MRO: variants seen among roughly 807,000 people sequenced by gnomAD.
The protein encoded by MRO is protein maestro.
In MRO, 28 loss-of-function variants were observed where a neutral mutation model predicts 31.0. The observed-to-expected ratio is 0.90, with a 90% CI of 0.67 to 1.24. The LOEUF (loss-of-function observed/expected upper bound fraction) is 1.24, where lower values mean the gene tolerates loss of function less well. Among genes scored for constraint, MRO ranks in the 50% most tolerant of loss-of-function variants. The pLI, the probability that MRO is intolerant of heterozygous loss-of-function variation, is 0.00. For missense variants in MRO, 332 were observed against 289.2 expected, an observed-to-expected ratio of 1.15 and a Z score of -1.07; for synonymous variants, 108 against 108.4, an observed-to-expected ratio of 1.00 and a Z score of 0.02.
chr18:50,801,604 C>T (rs1457008712), intron 5 of MRO, 100 bp from the exon 6 acceptor site: 27 of 1,148,472 alleles, frequency 2.4e-5, no homozygotes, highest in Admixed American at 1.4e-4. Flanking sequence ...ACATCACAGC[C>T]GTCAATCAGA....
chr18:50,809,924 T>A (rs921174015), intron 2 of MRO, among the ~76,000 whole-genome samples: 10 of 152,178 alleles, frequency 6.6e-5, no homozygotes, highest in Non-Finnish European at 1.0e-4. Flanking sequence ...AGCACTGTAA[T>A]AAACAATATT....
intron 3 of MRO, among the ~76,000 whole-genome samples, chr18:50,808,431 T>A (rs1360432620): frequency 2.0e-5 from 3 of 151,398 alleles, no homozygotes. Flanking sequence ...GGATTTTCAT[T>A]ACAGTTCATT....
chr18:50,801,240 A>G, intron 6 of MRO, 109 bp downstream of exon 6: 1 of 918,526 alleles, frequency 1.1e-6, no homozygotes, highest in South Asian at 2.0e-5. Flanking sequence ...GCTGCTAAGT[A>G]TCTACAGCAG....
rs1382911245 is a variant in MRO, at chr18:50,797,233, C to T, written c.*2104G>A. The T allele has an allele frequency of 6.6e-6, 1 of 152,244 alleles. No individual in the cohort carries two copies. Among genetic ancestry groups the T allele is most frequent in the Admixed American group, 6.5e-5 (1 of 15,278 alleles). The allele number at this position is 152,244 out of a possible 1,614,324, so 9.4% of individuals were successfully genotyped here. ...TTGTGTCATGTGTCCGGGCCTCAGA[C>T]TCTGCTGTGGGTTGGGTGTCTCCGT... On this transcript the variant is annotated 3_prime_UTR_variant, in exon 8 of 8. Transcript: ENST00000398439.
At chr18:50,809,440 A>G (rs1209051668) in intron 2 of MRO, 36 bp from the exon 3 acceptor site, 1 of 1,387,998 alleles carries the variant, frequency 7.2e-7, no homozygotes, top group South Asian at 1.2e-5. Flanking sequence ...CATGCGCCAC[A>G]GACACTCATC....
At position 50,818,100 on chromosome 18, in the gene MRO, G is replaced by A. The variant is rs1358778709; in HGVS notation, c.-5+1481C>T. 1.3e-5 allele frequency among the ~76,000 whole-genome samples: 2 copies of A among 150,270 alleles called. 1 individual carries two copies. The highest frequency in any genetic ancestry group is 2.9e-5 in the Non-Finnish European group (2 of 67,880). On this transcript the variant is annotated intron_variant, in intron 2 of 7. Transcript: ENST00000398439. ...AAAAACAAAAGGATCATTCTCATCT[G>A]TTGCAACACAGGATCTCAGAGAGGA...
At chr18:50,804,663 T>C (rs1913730231) in intron 5 of MRO, among the ~76,000 whole-genome samples, 1 of 151,924 alleles carries the variant, frequency 6.6e-6, no homozygotes, top group Non-Finnish European at 1.5e-5. Flanking sequence ...AGAGATAAAA[T>C]TCTATACATC....
intron 4 of MRO, among the ~76,000 whole-genome samples, chr18:50,806,336 A>T (rs999367981): frequency 6.6e-6 from 1 of 152,162 alleles, no homozygotes; most frequent in Non-Finnish European, 1.5e-5. Context: ...AGGCATCGAA[A>T]GTGGCCCCCG....
chr18:50,815,537 G>A (rs1187089165), intron 2 of MRO: 1 of 313,670 alleles, frequency 3.2e-6, no homozygotes, highest in Non-Finnish European at 6.3e-6. Flanking sequence ...TGGCAGTGGT[G>A]GATGATATGA....
intron 2 of MRO, among the ~76,000 whole-genome samples, chr18:50,810,577 T>TACC (rs1914392491): frequency 6.6e-6 from 1 of 152,210 alleles, no homozygotes; most frequent in Admixed American, 6.5e-5. Context: ...ACCTTTTTTG[T>TACC]ATATGTACAG....
chr18:50,806,150 G>A (rs1391658355), intron 4 of MRO, among the ~76,000 whole-genome samples: 2 of 152,088 alleles, frequency 1.3e-5, no homozygotes, highest in Non-Finnish European at 2.9e-5. Flanking sequence ...GGCCAGGCTA[G>A]TCTTGAACTC....
intron 6 of MRO, among the ~76,000 whole-genome samples, 174 bp from the exon 7 acceptor site, chr18:50,800,317 G>T (rs1278845426): frequency 2.0e-5 from 3 of 152,170 alleles, no homozygotes; most frequent in African/African-American, 7.2e-5. Flanking sequence ...TTATAAAATG[G>T]CCATGTCTAT....
intron 5 of MRO, 116 bp downstream of exon 5, chr18:50,805,038 G>A (rs921931881): frequency 5.2e-5 from 41 of 781,690 alleles, no homozygotes; most frequent in Non-Finnish European, 5.5e-5. Flanking sequence ...GATCCCACCC[G>A]CCTCGGCCTC....
intron 5 of MRO, among the ~76,000 whole-genome samples, chr18:50,804,692 C>CCCTA (rs1403295234): frequency 4.6e-5 from 7 of 152,146 alleles, no homozygotes; most frequent in African/African-American, 1.7e-4. Context: ...TCCTCCCAAC[C>CCCTA]CCTAGCACAG....
chr18:50,805,400 C>A, intron 4 of MRO, 64 bp from the exon 5 acceptor site: 3 of 1,357,356 alleles, frequency 2.2e-6, no homozygotes, highest in Non-Finnish European at 3.1e-6. Context: ...TGAAAAGCAA[C>A]CCCACATCTA....
intron 2 of MRO, among the ~76,000 whole-genome samples, chr18:50,818,320 T>A (rs144146849): frequency 6.6e-6 from 1 of 152,300 alleles, no homozygotes; most frequent in East Asian, 1.9e-4. Context: ...CACCTGGCCA[T>A]TTGGAAGCCA....
chr18:50,822,939 G>A (rs1352888108), upstream of MRO, among the ~76,000 whole-genome samples: 2 of 152,040 alleles, frequency 1.3e-5, no homozygotes, highest in East Asian at 1.9e-4. Flanking sequence ...TGGGGCTTAC[G>A]TGCCCACAGC....
chr18:50,804,346 C>T (rs1029479967), intron 5 of MRO, among the ~76,000 whole-genome samples: 1 of 152,222 alleles, frequency 6.6e-6, no homozygotes, highest in Non-Finnish European at 1.5e-5. Context: ...TGAAAACTCA[C>T]CAGGCACAGT....
In MRO at chr18:50,801,460, T is replaced by C. The variant is rs1057506136; in HGVS notation, c.474A>G (p.Gln158=). 17 of 1,612,258 alleles carry C rather than the reference T, an allele frequency of 1.1e-5. No individual in the cohort carries two copies. Among genetic ancestry groups the C allele is most frequent in the South Asian group, 4.4e-5 (4 of 90,740 alleles). ...ATTTCCTCCCGGCAAAGGCAGCCAA[T>C]TGCCCAAACAAAACAAAGGCCGAGT... is the stretch of plus-strand genomic sequence containing the variant. ...LRYSAFVLFG[Q]LAAFAGRKWK... The change falls in exon 6 of 8, where the codon CAA becomes CAG. Residue 158 remains glutamine, a synonymous_variant. Transcript: ENST00000398439.
Sources: gnomAD v4.1 joint callset for allele counts (sites outside exome capture counted in the v4.1 genomes callset) on GRCh38, gnomAD v4.1.1 for gene constraint, MANE v1.5 for transcripts, NCBI Gene and HGNC (gene_info 2026-07-23, HGNC 2026-07-21) for gene names.